DMAC2: variants seen among roughly 807,000 people sequenced by gnomAD.
DMAC2 encodes distal membrane-arm assembly complex protein 2.
In DMAC2, 32 loss-of-function variants were observed where a neutral mutation model predicts 29.6. That is an observed-to-expected ratio of 1.08 (90% CI 0.81 to 1.45). DMAC2 has a LOEUF of 1.45. Among genes scored for constraint, DMAC2 ranks in the 40% most tolerant of loss-of-function variants. The pLI is 0.00. For synonymous variants in DMAC2, 133 were observed against 137.4 expected (o/e 0.97, Z 0.23); for missense variants, 319 against 340.0 (o/e 0.94, Z 0.49).
In DMAC2 at chr19:41,433,608, A is replaced by G. The variant is rs1408740244; in HGVS notation, c.362T>C (p.Phe121Ser). The change falls in exon 4 of 6, where the codon TTC becomes TCC. Residue 121 changes from phenylalanine (F) to serine (S), a missense_variant. By Grantham distance (155) the Phe-to-Ser change is radical. Transcript: ENST00000221943. Reference sequence around the variant, plus strand: ...CACAGCTTCGACAGGCACTTCACAGAAATTCCAGAACTCCTGAGAGAAATG... The same window carrying G: ...CACAGCTTCGACAGGCACTTCACAGGAATTCCAGAACTCCTGAGAGAAATG... The part of the protein sequence containing the change: ...YGHFSQEFWN[F>S]CEVPVEAVDA... 6.2e-7 allele frequency: 1 copy of G among 1,614,048 alleles called. No individual in the cohort carries two copies. Among genetic ancestry groups the G allele is most frequent in the East Asian group, 2.2e-5 (1 of 44,890 alleles).
Position 41,438,265 on chromosome 19 carries a change from C to A in DMAC2, c.168G>T (p.Arg56Ser). The A allele has an allele frequency of 6.2e-7, 1 of 1,614,240 alleles. No homozygotes were observed. The highest frequency in any genetic ancestry group is 8.5e-7 in the Non-Finnish European group (1 of 1,180,030). ...ACATCTCCCTTTGGAGCAAGTAATC[C>A]CTCAGAGCCTCCACATCGTAGAAAT... ...TNYFYDVEAL[R>S]DYLLQREMYK... Residue 56 changes from arginine (R) to serine (S), a missense_variant, in exon 2 of 6, where the codon AGG (arginine) becomes AGT (serine). By Grantham distance (110) the Arg-to-Ser change is moderately radical (BLOSUM62 -1). Transcript: ENST00000221943.
chr19:41,435,288 GAGAC>G (rs1180513137), intron 3 of DMAC2, among the ~76,000 whole-genome samples: 5 of 151,696 alleles, frequency 3.3e-5, no homozygotes, highest in African/African-American at 1.2e-4. Context: ...TTATTATTTT[GAGAC>G]AGAGTCTTGC....
In DMAC2 at chr19:41,432,208, G is replaced by GT. The variant is rs781953918; in HGVS notation, c.*22dup. ...TCCATGCAGCCCGCTGAGAAGCCAC[G>GT]TGAGTGGGGACAGGGCTAAAGGCTA... is the stretch of plus-strand genomic sequence containing the variant. On this transcript the variant is annotated 3_prime_UTR_variant, in exon 6 of 6. Coordinates refer to ENST00000221943, the MANE Select transcript of DMAC2 (RefSeq NM_018035.3). The GT allele has an allele frequency of 6.2e-6, 10 of 1,603,648 alleles. No homozygotes were observed. In the South Asian group the frequency reaches 9.9e-5, roughly 16 times the overall value.
rs2039684404 is a variant in DMAC2 at position 41,433,416 on chromosome 19, T to G, written c.452A>C (p.Gln151Pro). 6.2e-7 allele frequency: 1 copy of G among 1,613,664 alleles called. No homozygotes were observed. The highest frequency in any genetic ancestry group is 2.2e-5 in the East Asian group (1 of 44,878). ...GCAGCAGCGCTGCAGCGACAAGGAC[T>G]GGAGCTCCTTCAGGCGGACTGCGGT... ...LDNLLRLKEL[Q>P]SLSLQRCCHV... Residue 151 changes from glutamine to proline, a missense_variant, in exon 5 of 6, where the codon CAG (glutamine) becomes CCG (proline). By Grantham distance (76) the Gln-to-Pro change is moderately conservative. Transcript: ENST00000221943.
At chr19:41,439,439 TAA>T in intron 1 of DMAC2, 1 of 1,514,878 alleles carries the variant, frequency 6.6e-7, no homozygotes, top group African/African-American at 1.4e-5. Flanking sequence ...GAGTTTTCTG[TAA>T]AAATTCGTCA....
intron 2 of DMAC2, among the ~76,000 whole-genome samples, chr19:41,437,038 T>G (rs1555771392): frequency 6.6e-6 from 1 of 152,202 alleles, no homozygotes; most frequent in East Asian, 1.9e-4. Context: ...CCTTGGAGAT[T>G]GGCTCTTATT....
chr19:41,433,064 T>G, intron 5 of DMAC2: 1 of 608,154 alleles, frequency 1.6e-6, no homozygotes, highest in Non-Finnish European at 2.7e-6. Context: ...CAGTTTTGAC[T>G]AAAACAAAAA....
chr19:41,435,954 C>T (rs1293149792), intron 3 of DMAC2, among the ~76,000 whole-genome samples: 1 of 151,790 alleles, frequency 6.6e-6, no homozygotes, highest in African/African-American at 2.4e-5. Context: ...CAGCTCACTG[C>T]AACCTCCACC....
In DMAC2 at chr19:41,433,640, CT is replaced by C; in HGVS notation, c.329del (p.Lys110SerfsTer38). On this transcript the variant is annotated frameshift_variant, in exon 4 of 6. Coordinates refer to ENST00000221943, the MANE Select transcript of DMAC2 (RefSeq NM_018035.3). LOFTEE classifies it high-confidence loss of function. The part of the protein sequence containing the change: ...FRDKEWIRPD[K>X]YGHFSQEFWN... Reference sequence around the variant, plus strand: ...AGAACTCCTGAGAGAAATGGCCATACTTATCTGGCCTGATCCACTCCTTGTC... The same window carrying C: ...AGAACTCCTGAGAGAAATGGCCATACTATCTGGCCTGATCCACTCCTTGTC... The C allele has an allele frequency of 6.2e-7, 1 of 1,614,248 alleles. No individual in the cohort carries two copies. Among genetic ancestry groups the C allele is most frequent in the Non-Finnish European group, 8.5e-7 (1 of 1,180,042 alleles).
At chr19:41,432,849 C>T (rs1345959171) in intron 5 of DMAC2, 14 of 453,120 alleles carry the variant, frequency 3.1e-5, no homozygotes, top group East Asian at 1.1e-4. Context: ...TTCAACCTTA[C>T]AGGACAGTGT....
chr19:41,439,865 G>A lies in DMAC2; in HGVS notation c.18+17C>T. On this transcript the variant is annotated intron_variant, in intron 1 of 5. Transcript: ENST00000221943. The stretch of plus-strand genomic sequence containing the variant: ...GCGGACTTCAAATTTGGGGCTCTAG[G>A]AACTCCGGTCACTTACCGCCCAGGG... 6 of 1,614,140 alleles carry A rather than the reference G, an allele frequency of 3.7e-6. No homozygotes were observed. Among genetic ancestry groups the A allele is most frequent in the Non-Finnish European group, 5.1e-6 (6 of 1,180,030 alleles).
rs1221533961 is a variant in DMAC2, at chr19:41,436,454, C to A, written c.234G>T (p.Glu78Asp). Residue 78 changes from glutamate (E) to aspartate (D), a missense_variant, in exon 3 of 6, where the codon GAG (glutamate) becomes GAT (aspartate). Physicochemically the swap from Glu to Asp is conservative, Grantham distance 45. Coordinates refer to ENST00000221943, the MANE Select transcript of DMAC2 (RefSeq NM_018035.3). ...HEKNRSYTWLEKQHGPYGAGA... is the reference protein window; with the variant it reads ...HEKNRSYTWLDKQHGPYGAGA... ...CTGCGCCGTATGGACCATGTTGCTT[C>A]TCCAGCCAGGTGTAAGATCTGCAGA... 2.5e-6 allele frequency: 4 copies of A among 1,614,168 alleles called. No homozygotes were observed. The South Asian group carries it at 4.4e-5, about 18-fold the overall frequency.
At chr19:41,436,738 T>C (rs1225999895) in intron 2 of DMAC2, among the ~76,000 whole-genome samples, 1 of 152,074 alleles carries the variant, frequency 6.6e-6, no homozygotes, top group Non-Finnish European at 1.5e-5. Context: ...ACCCAGGAAA[T>C]AACAGCAAAC....
chr19:41,439,549 C>A (rs1248335721), intron 1 of DMAC2: 1 of 1,534,218 alleles, frequency 6.5e-7, no homozygotes, highest in Non-Finnish European at 8.7e-7. Context: ...TCCTACAGGC[C>A]CCACCCTTGC....
intron 3 of DMAC2, among the ~76,000 whole-genome samples, chr19:41,435,964 C>T (rs1328106939): frequency 6.6e-6 from 1 of 151,916 alleles, no homozygotes; most frequent in Non-Finnish European, 1.5e-5. Context: ...CAACCTCCAC[C>T]TCCCGGGTTC....
chr19:41,433,086 A>G (rs1555769911), intron 5 of DMAC2, 186 bp downstream of exon 5: 1 of 656,836 alleles, frequency 1.5e-6, no homozygotes, highest in Non-Finnish European at 2.4e-6. Context: ...GAAGAAAACC[A>G]GGAGTCATTT....
At chr19:41,436,592 G>T in intron 2 of DMAC2, 120 bp from the exon 3 acceptor site, 1 of 823,588 alleles carries the variant, frequency 1.2e-6, no homozygotes, top group Non-Finnish European at 2.0e-6. Context: ...ATTCAGTCAG[G>T]CTGAAAATAT....
rs2231943 is a variant in DMAC2, at chr19:41,432,317, C to T, written c.688G>A (p.Glu230Lys). 0.02 allele frequency: 31,531 copies of T among 1,614,180 alleles called. 391 individuals carry two copies. The highest frequency in any genetic ancestry group is 0.022 in the Non-Finnish European group (26,091 of 1,180,040). ...ILVEEMLPNC[E>K]VVGVDWAEGL... ...TCAGCCCAGTCGACTCCCACAACCT[C>T]GCAATTGGGCAGCATCTCCTCCACC... Residue 230 changes from glutamate to lysine, a missense_variant, in exon 6 of 6, where the codon GAG becomes AAG. Physicochemically the swap from Glu to Lys is moderately conservative, Grantham distance 56 (BLOSUM62 1). Transcript: ENST00000221943.
rs374254190 is a variant in DMAC2 at position 41,432,783 on chromosome 19, CGTGTGT to C, written c.597-381_597-376del. On this transcript the variant is annotated intron_variant, in intron 5 of 5. Coordinates refer to ENST00000221943, the MANE Select transcript of DMAC2 (RefSeq NM_018035.3). ...GTGTAGGGAGGTACAGGACAGCGTG[CGTGTGT>C]GTGTGTGTGTGTGTGTGTGTGTGTG... 4.7e-3 allele frequency: 1,428 copies of C among 303,308 alleles called. 23 individuals carry two copies. Among genetic ancestry groups the C allele is most frequent in the African/African-American group, 0.041 (1,205 of 29,244 alleles). The allele number at this position is 303,308 out of a possible 1,614,324, so 18.8% of individuals were successfully genotyped here. A position where few individuals can be genotyped will look rare whatever the true frequency, so the allele number is the denominator to read the frequency against.
Sources: gnomAD v4.1 joint callset for allele counts (sites outside exome capture counted in the v4.1 genomes callset) on GRCh38, gnomAD v4.1.1 for gene constraint, MANE v1.5 for transcripts, NCBI Gene and HGNC (gene_info 2026-07-23, HGNC 2026-07-21) for gene names.